PHIP: variants seen among roughly 807,000 people sequenced by gnomAD.
PHIP encodes the protein PHIP subunit of CUL4-Ring ligase complex, also known as PH-interacting protein.
In PHIP, 54 loss-of-function variants were observed where a neutral mutation model predicts 236.8. That is an observed-to-expected ratio of 0.23 (90% confidence interval 0.18 to 0.29). PHIP has a LOEUF of 0.29. Among genes scored for constraint, PHIP ranks in the 10% least tolerant of loss-of-function variants. PHIP has a pLI of 1.00. For synonymous variants in PHIP, 756 were observed against 718.9 expected (o/e 1.05, Z -0.83); for missense variants, 1,370 against 2,190.8 (o/e 0.63, Z 7.48).
intron 4 of PHIP, among the ~76,000 whole-genome samples, chr6:79,071,243 A>G (rs1013326567): frequency 2.6e-5 from 4 of 152,214 alleles, no homozygotes; most frequent in African/African-American, 7.2e-5. Context: ...TTGTCAACTT[A>G]CATTCATCAC....
intron 14 of PHIP, 58 bp downstream of exon 14, chr6:79,015,572 T>C: frequency 8.0e-7 from 1 of 1,250,380 alleles, no homozygotes; most frequent in Non-Finnish European, 1.1e-6. Flanking sequence ...TCAATGAGAA[T>C]GTTTCATTCT....
intron 4 of PHIP, among the ~76,000 whole-genome samples, chr6:79,072,741 G>A (rs1322132376): frequency 6.6e-6 from 1 of 152,126 alleles, no homozygotes; most frequent in East Asian, 1.9e-4. Context: ...GGGATTACAG[G>A]CATGAGCCAC....
chr6:79,074,259 TG>T (rs1279937650), intron 4 of PHIP, among the ~76,000 whole-genome samples: 1 of 151,970 alleles, frequency 6.6e-6, no homozygotes, highest in Non-Finnish European at 1.5e-5. Flanking sequence ...AACTAGTTCT[TG>T]GGGGGAAAAA....
At chr6:79,035,298 T>C (rs1477948562) in intron 7 of PHIP, among the ~76,000 whole-genome samples, 2 of 152,136 alleles carry the variant, frequency 1.3e-5, no homozygotes, top group Non-Finnish European at 2.9e-5. Context: ...TATAAAGCTT[T>C]TCTTTTCTCA....
Position 79,077,309 on chromosome 6 carries a change from G to A in PHIP, c.189+139C>T, listed in dbSNP as rs966776896. The A allele has an allele frequency of 3.3e-5, 25 of 764,946 alleles. No individual in the cohort carries two copies. The East Asian group carries it at 7.0e-4, about 22-fold the overall frequency. The allele number at this position is 764,946 out of a possible 1,614,324, so 47.4% of individuals were successfully genotyped here. A position where few individuals can be genotyped will look rare whatever the true frequency, so the allele number is the denominator to read the frequency against. On this transcript the variant is annotated intron_variant, in intron 4 of 39. Transcript: ENST00000275034. ...CACTGGCCCCCGCAGACCCCGCGCCGGCCTCCCAACCCTCCCCATGGCCTT... is the reference window on the plus strand; with the variant it reads ...CACTGGCCCCCGCAGACCCCGCGCCAGCCTCCCAACCCTCCCCATGGCCTT...
chr6:78,948,096 A>G (rs1257250634), intron 35 of PHIP, among the ~76,000 whole-genome samples: 1 of 152,172 alleles, frequency 6.6e-6, no homozygotes, highest in Non-Finnish European at 1.5e-5. Context: ...CTACAACCGA[A>G]AGTTTGAAAG....
At chr6:78,957,170 A>G (rs1224818941) in intron 32 of PHIP, 2 of 152,086 alleles carry the variant, frequency 1.3e-5, no homozygotes, top group Non-Finnish European at 2.9e-5. Flanking sequence ...TGAAAGAAAT[A>G]CATTTCACAG....
chr6:79,051,039 C>G (rs888747074), intron 6 of PHIP, among the ~76,000 whole-genome samples: 31 of 151,972 alleles, frequency 2.0e-4, no homozygotes, highest in Admixed American at 1.6e-3. Context: ...AATTTTGTTT[C>G]GGAGGGAATC....
At chr6:78,965,526 A>C (rs1244526703) in intron 29 of PHIP, among the ~76,000 whole-genome samples, 177 bp downstream of exon 29, 1 of 152,214 alleles carries the variant, frequency 6.6e-6, no homozygotes, top group Non-Finnish European at 1.5e-5. Flanking sequence ...AGTTATATCT[A>C]TCTTCTTCAC....
intron 6 of PHIP, among the ~76,000 whole-genome samples, chr6:79,046,100 T>C (rs946060404): frequency 6.6e-6 from 1 of 152,152 alleles, no homozygotes; most frequent in Non-Finnish European, 1.5e-5. Flanking sequence ...CTGCAGAAAC[T>C]TATCTCCCAT....
rs1031332734 is a variant in PHIP at position 79,041,190 on chromosome 6, G to T, written c.600+1653C>A. ...AGACAATATATAAACAACTGAACAT[G>T]CCTGTGTTTCAATAAAATTGCATTT... On this transcript the variant is annotated intron_variant, in intron 7 of 39. Transcript: ENST00000275034. Among the ~76,000 whole-genome samples the T allele has an allele frequency of 3.3e-5, 5 of 152,104 alleles. No homozygotes were observed. The East Asian group carries it at 9.6e-4, about 29-fold the overall frequency.
intron 12 of PHIP, among the ~76,000 whole-genome samples, 174 bp downstream of exon 12, chr6:79,017,172 A>T (rs1770873280): frequency 6.6e-6 from 1 of 152,036 alleles, no homozygotes; most frequent in Non-Finnish European, 1.5e-5. Context: ...ATTATTACAA[A>T]TAAGAGAAAG....
At chr6:78,960,560 T>A (rs1766708816) in intron 31 of PHIP, among the ~76,000 whole-genome samples, 1 of 152,060 alleles carries the variant, frequency 6.6e-6, no homozygotes, top group African/African-American at 2.4e-5. Flanking sequence ...GGACTTCTCC[T>A]TATCTCTACG....
intron 35 of PHIP, among the ~76,000 whole-genome samples, chr6:78,953,663 C>T (rs967524993): frequency 1.1e-4 from 17 of 152,202 alleles, no homozygotes; most frequent in Admixed American, 8.5e-4. Context: ...TTTTAAATGA[C>T]ATGAAAAAAG....
intron 15 of PHIP, among the ~76,000 whole-genome samples, chr6:79,006,417 T>G (rs1193242988): frequency 6.6e-6 from 1 of 152,022 alleles, no homozygotes; most frequent in African/African-American, 2.4e-5. Flanking sequence ...AGTAAGCCAA[T>G]CAAAAGAAAA....
At chr6:79,008,130 G>A (rs1048420445) in intron 15 of PHIP, among the ~76,000 whole-genome samples, 3 of 151,746 alleles carry the variant, frequency 2.0e-5, no homozygotes, top group African/African-American at 7.3e-5. Context: ...GGCGGAGGTT[G>A]CAGTGAGCTG....
At chr6:78,990,824 T>C (rs771880855) in intron 20 of PHIP, 44 bp downstream of exon 20, 1 of 1,108,766 alleles carries the variant, frequency 9.0e-7, no homozygotes. Context: ...ATGGTCACTA[T>C]ACTTAAGAAG....
chr6:78,985,259 A>G (rs1326468695), intron 22 of PHIP, 93 bp downstream of exon 22: 9 of 733,772 alleles, frequency 1.2e-5, no homozygotes, highest in East Asian at 2.5e-5. Context: ...CTTTGAACTT[A>G]CAGAGACTTT....
chr6:79,046,485 T>C (rs913363594), intron 6 of PHIP, among the ~76,000 whole-genome samples: 16 of 152,214 alleles, frequency 1.1e-4, no homozygotes, highest in African/African-American at 3.9e-4. Context: ...TACTACAAGA[T>C]AACAAACTTC....
Sources: gnomAD v4.1 joint callset for allele counts (sites outside exome capture counted in the v4.1 genomes callset) on GRCh38, gnomAD v4.1.1 for gene constraint, MANE v1.5 for transcripts, NCBI Gene and HGNC (gene_info 2026-07-23, HGNC 2026-07-21) for gene names.